The following DRC5 variants were observed in gnomAD, a reference collection of about 807,000 sequenced individuals.
DRC5 encodes the protein T-complex-associated testis-expressed protein 1.
chr6:44,283,608 G>A, the DRC5 span, among the ~76,000 whole-genome samples: 3 of 151,888 alleles, frequency 2.0e-5, no homozygotes, highest in East Asian at 1.9e-4. Flanking sequence ...TTTTCATTGC[G>A]TCTCTCTGGC....
chr6:44,281,445 C>T, the DRC5 span, among the ~76,000 whole-genome samples: 27 of 152,204 alleles, frequency 1.8e-4, no homozygotes, highest in Non-Finnish European at 3.7e-4. Context: ...AGTGCAGGGG[C>T]ACGATCTCAG....
chr6:44,288,993 CAAAAAAAAAAAA>C, the DRC5 span, among the ~76,000 whole-genome samples: 1 of 32,830 alleles, frequency 3.0e-5, no homozygotes, highest in Non-Finnish European at 4.6e-5. Flanking sequence ...GACTCTGTCT[CAAAAAAAAAAAA>C]AAAAAAAAAA....
chr6:44,295,308 TG>T, the DRC5 span, among the ~76,000 whole-genome samples: 1 of 151,612 alleles, frequency 6.6e-6, no homozygotes, highest in Non-Finnish European at 1.5e-5. Flanking sequence ...AGTGGGAGAG[TG>T]GGGACACGTG....
chr6:44,290,995 T>C, the DRC5 span, among the ~76,000 whole-genome samples: 3 of 152,196 alleles, frequency 2.0e-5, no homozygotes, highest in Non-Finnish European at 4.4e-5. Context: ...TGCTGTTTTG[T>C]GCCTGCAGCC....
the DRC5 span, chr6:44,279,746 A>AGGGTGT: frequency 8.0e-6 from 1 of 125,590 alleles, no homozygotes; most frequent in African/African-American, 3.1e-5. Context: ...CTGTAGCCAG[A>AGGGTGT]GGGTGTGTGT....
the DRC5 span, chr6:44,288,049 C>A: frequency 2.1e-6 from 1 of 475,726 alleles, no homozygotes; most frequent in Non-Finnish European, 3.6e-6. Flanking sequence ...ATCTGTGTGG[C>A]CTTGGGCAAG....
the DRC5 span, among the ~76,000 whole-genome samples, chr6:44,294,132 AC>A: frequency 6.6e-6 from 1 of 151,912 alleles, no homozygotes; most frequent in Non-Finnish European, 1.5e-5. Flanking sequence ...ACAGGCATGC[AC>A]CACCACGGCT....
the DRC5 span, chr6:44,287,087 G>T: frequency 1.7e-6 from 1 of 581,594 alleles, no homozygotes; most frequent in Non-Finnish European, 2.2e-6. Context: ...TAATGGCCCT[G>T]TCCTCAGACA....
chr6:44,280,071 TCA>T, the DRC5 span: 1 of 1,016,910 alleles, frequency 9.8e-7, no homozygotes, highest in Admixed American at 2.0e-5. Context: ...CCAAGGTTAT[TCA>T]CAGTCCCCCT....
chr6:44,282,504 C>A, the DRC5 span: 1 of 1,606,662 alleles, frequency 6.2e-7, no homozygotes, highest in Non-Finnish European at 8.5e-7. Flanking sequence ...CAGAAGGCTT[C>A]GAATTATGAT....
the DRC5 span, chr6:44,287,852 G>A: frequency 2.7e-5 from 43 of 1,604,474 alleles, no homozygotes; most frequent in South Asian, 3.6e-4. Flanking sequence ...GTAGGGGTGC[G>A]TGGCCCCTGG....
chr6:44,283,607 C>T, the DRC5 span, among the ~76,000 whole-genome samples: 4 of 152,136 alleles, frequency 2.6e-5, no homozygotes, highest in Admixed American at 6.5e-5. Flanking sequence ...CTTTTCATTG[C>T]GTCTCTCTGG....
chr6:44,282,000 T>G, the DRC5 span: 3 of 1,060,062 alleles, frequency 2.8e-6, no homozygotes, highest in Middle Eastern at 3.1e-4. Flanking sequence ...GTGTGCATAC[T>G]TGATGCAGTA....
At chr6:44,294,904 A>G in the DRC5 span, among the ~76,000 whole-genome samples, 135,546 of 152,074 alleles carry the variant, frequency 0.89, 61,549 homozygotes, top group East Asian at 1. Context: ...TGTTTCACAG[A>G]TTGGTCTTAG....
the DRC5 span, chr6:44,287,867 C>A: frequency 6.3e-7 from 1 of 1,584,842 alleles, no homozygotes; most frequent in South Asian, 1.2e-5. Flanking sequence ...CCCTGGATGG[C>A]CTTATGACAA....
chr6:44,293,306 CA>C, the DRC5 span, among the ~76,000 whole-genome samples: 21,991 of 88,762 alleles, frequency 0.25, 1,724 homozygotes, highest in Middle Eastern at 0.29. Context: ...ACTATCCTCT[CA>C]AAAAAAAAAA....
the DRC5 span, chr6:44,287,766 G>A: frequency 3.3e-5 from 53 of 1,614,184 alleles, no homozygotes; most frequent in Non-Finnish European, 4.4e-5. Flanking sequence ...AATTGTCCTG[G>A]GTGGAGACTG....
At chr6:44,280,037 C>T in the DRC5 span, 3 of 729,516 alleles carry the variant, frequency 4.1e-6, no homozygotes, top group Non-Finnish European at 6.8e-6. Flanking sequence ...CCTCATGTCT[C>T]CATCCATACA....
chr6:44,293,657 TC>T, the DRC5 span, among the ~76,000 whole-genome samples: 1 of 152,068 alleles, frequency 6.6e-6, no homozygotes, highest in Admixed American at 6.5e-5. Context: ...ACTCAGTATG[TC>T]CCCCTCCCCT....
Sources: gnomAD v4.1 joint callset for allele counts (sites outside exome capture counted in the v4.1 genomes callset) on GRCh38, gnomAD v4.1.1 for gene constraint, MANE v1.5 for transcripts, NCBI Gene and HGNC (gene_info 2026-07-23, HGNC 2026-07-21) for gene names.